NUDC: variants seen among roughly 807,000 people sequenced by gnomAD.
NUDC encodes nuclear migration protein nudC.
In NUDC, 14 loss-of-function variants were observed where a neutral mutation model predicts 45.0. The ratio of observed to expected loss-of-function variants is 0.31; its 90% CI spans 0.21 to 0.49. The LOEUF (loss-of-function observed/expected upper bound fraction) is 0.49. Ranked by LOEUF, NUDC falls within the 20% of genes least tolerant of loss-of-function variation. NUDC has a pLI of 0.99. For missense variants in NUDC, 323 were observed against 426.2 expected, an observed-to-expected ratio of 0.76 and a Z score of 2.13; for synonymous variants, 153 against 156.7, an observed-to-expected ratio of 0.98 and a Z score of 0.17.
intron 2 of NUDC, among the ~76,000 whole-genome samples, chr1:26,904,094 A>G (rs2081992713): frequency 7.1e-6 from 1 of 140,752 alleles, no homozygotes; most frequent in East Asian, 1.9e-4. Flanking sequence ...AAAAAAGTCT[A>G]ATGAGTGAGA....
At chr1:26,941,070 C>T (rs1203981352) in intron 2 of NUDC, among the ~76,000 whole-genome samples, 2 of 150,700 alleles carry the variant, frequency 1.3e-5, no homozygotes, top group East Asian at 3.9e-4. Flanking sequence ...TACAGGCCCC[C>T]GCCACCATGC....
intron 6 of NUDC, among the ~76,000 whole-genome samples, chr1:26,943,627 C>T (rs1337920136): frequency 2.6e-5 from 4 of 152,172 alleles, no homozygotes; most frequent in African/African-American, 9.7e-5. Flanking sequence ...TTCAATTCAT[C>T]AAATACTTGA....
intron 2 of NUDC, among the ~76,000 whole-genome samples, chr1:26,904,738 TGA>T (rs574884880): frequency 1.3e-5 from 2 of 152,244 alleles, no homozygotes; most frequent in African/African-American, 4.8e-5. Flanking sequence ...TACAGGAGAG[TGA>T]GAGATCACCT....
rs1475990916 is a variant in NUDC at position 26,924,122 on chromosome 1, A to G, written c.115A>G (p.Lys39Glu). ...CACCTTCTTCAGCTTCCTTCGACGC[A>G]AAACAGACTTTTTCATTGGAGGAGA... ...VNTFFSFLRR[K>E]TDFFIGGEEG... The change falls in exon 2 of 9, where the codon AAA becomes GAA. Residue 39 changes from lysine (K) to glutamate (E), a missense_variant. Lys to Glu is a moderately conservative substitution (Grantham distance 56, BLOSUM62 1). This residue lies in a region of NUDC where 245 missense variants were observed against 278.8 expected (regional missense o/e 0.88). Transcript: ENST00000321265. The G allele has an allele frequency of 6.2e-7, 1 of 1,614,128 alleles. No homozygotes were observed.
intron 2 of NUDC, among the ~76,000 whole-genome samples, chr1:26,931,229 C>T (rs1244570732): frequency 2.7e-5 from 4 of 149,754 alleles, no homozygotes. Flanking sequence ...AGGCGTGTGC[C>T]ACCACGCCTG....
At chr1:26,922,033 T>G (rs1570721829) in intron 1 of NUDC, 104 bp downstream of exon 1, 1 of 1,191,172 alleles carries the variant, frequency 8.4e-7, no homozygotes, top group East Asian at 2.6e-5. Context: ...CTCGCGGGCT[T>G]CTGGGATGCC....
Position 26,942,979 on chromosome 1 carries a change from G to A in NUDC, c.655G>A (p.Asp219Asn). 1 of 1,614,174 alleles carries A rather than the reference G, an allele frequency of 6.2e-7. No individual in the cohort carries two copies. Among genetic ancestry groups the A allele is most frequent in the Non-Finnish European group, 8.5e-7 (1 of 1,180,026 alleles). Residue 219 changes from aspartate to asparagine, a missense_variant, in exon 6 of 9, where the codon GAT (aspartate) becomes AAT (asparagine). Physicochemically the swap from Asp to Asn is conservative, Grantham distance 23. Transcript: ENST00000321265. The part of the protein sequence containing the change: ...VGLKGQPAII[D>N]GELYNEVKVE... ...GCTCAAGGGGCAGCCAGCGATCATT[G>A]ATGGGGAGCTCTACAATGAAGTGAA...
At chr1:26,904,895 A>G (rs1405772759) in intron 2 of NUDC, among the ~76,000 whole-genome samples, 8 of 149,508 alleles carry the variant, frequency 5.4e-5, no homozygotes, top group Non-Finnish European at 1.2e-4. Flanking sequence ...TCTGTCGCCC[A>G]GGCAGATCTT....
intron 2 of NUDC, among the ~76,000 whole-genome samples, chr1:26,906,151 A>G (rs2124053062): frequency 1.3e-5 from 2 of 152,238 alleles, no homozygotes; most frequent in East Asian, 3.9e-4. Flanking sequence ...GTGGTGGCGC[A>G]TGCCTGTAAT....
rs147626063 is a variant in NUDC at position 26,946,564 on chromosome 1, A to G, written c.*383A>G. On this transcript the variant is annotated 3_prime_UTR_variant, in exon 9 of 9. Coordinates refer to ENST00000321265, the MANE Select transcript of NUDC (RefSeq NM_006600.4). ...TTCTCATTACTTAAAGATTAAAACAAGGCTTGGCCGGGTGTGATGGTTCAT... is the reference window on the plus strand; with the variant it reads ...TTCTCATTACTTAAAGATTAAAACAGGGCTTGGCCGGGTGTGATGGTTCAT... The G allele has an allele frequency of 4.4e-3, 1,412 of 320,504 alleles. 9 individuals carry two copies. The highest frequency in any genetic ancestry group is 5.1e-3 in the Non-Finnish European group (844 of 164,418). The allele number at this position is 320,504 out of a possible 1,614,324, so 19.9% of individuals were successfully genotyped here.
intron 2 of NUDC, among the ~76,000 whole-genome samples, chr1:26,906,007 C>T (rs1018161435): frequency 2.6e-5 from 4 of 152,072 alleles, no homozygotes; most frequent in African/African-American, 9.7e-5. Context: ...AAAGGCCGAG[C>T]GCAGTGGCTC....
chr1:26,900,262 C>A, exon 1 of NUDC: 1 of 1,614,026 alleles, frequency 6.2e-7, no homozygotes, highest in Non-Finnish European at 8.5e-7. Flanking sequence ...GAGTTAGGAG[C>A]GGCCTGCGGA....
chr1:26,915,558 T>C (rs1350273743), intron 3 of NUDC, among the ~76,000 whole-genome samples: 1 of 152,206 alleles, frequency 6.6e-6, no homozygotes, highest in Non-Finnish European at 1.5e-5. Flanking sequence ...CCTGGTGCCC[T>C]GGATGGGGAG....
At chr1:26,929,619 C>G in intron 2 of NUDC, 1 of 274,410 alleles carries the variant, frequency 3.6e-6, no homozygotes, top group South Asian at 3.1e-5. Context: ...AACAAATCTT[C>G]GTGGGTACGG....
chr1:26,946,583 G>A lies in NUDC; in HGVS notation c.*402G>A. 6.6e-6 allele frequency: 2 copies of A among 301,606 alleles called. No homozygotes were observed. Among genetic ancestry groups the A allele is most frequent in the South Asian group, 6.3e-5 (2 of 31,948 alleles). 18.7% of individuals were successfully genotyped at this position (301,606 alleles called of 1,614,324 possible). A position where few individuals can be genotyped will look rare whatever the true frequency, so the allele number is the denominator to read the frequency against. ...AAAACAAGGCTTGGCCGGGTGTGAT[G>A]GTTCATGTCTGTAATCCCAGCACTT... On this transcript the variant is annotated 3_prime_UTR_variant, in exon 9 of 9. Coordinates refer to ENST00000321265, the MANE Select transcript of NUDC (RefSeq NM_006600.4).
At chr1:26,900,232 G>C (rs777986225), upstream of NUDC, 1 of 1,614,168 alleles carries the variant, frequency 6.2e-7, no homozygotes, top group Non-Finnish European at 8.5e-7. Flanking sequence ...TCAGCGGCTG[G>C]GTCGGTAGGA....
At position 26,921,838 on chromosome 1, in the gene NUDC, G is replaced by A; in HGVS notation, c.-11G>A. The A allele has an allele frequency of 6.4e-7, 1 of 1,551,026 alleles. No homozygotes were observed. The highest frequency in any genetic ancestry group is 8.7e-7 in the Non-Finnish European group (1 of 1,147,358). The stretch of plus-strand genomic sequence containing the variant: ...GTGCAGAGCTCCGGGACGTGGATCG[G>A]AGCCGGCGCGATGGGCGGAGAGCAG... On this transcript the variant is annotated 5_prime_UTR_variant, in exon 1 of 9. Transcript: ENST00000321265.
At chr1:26,921,120 G>A (rs891777285), upstream of NUDC, among the ~76,000 whole-genome samples, 1 of 152,176 alleles carries the variant, frequency 6.6e-6, no homozygotes, top group Admixed American at 6.5e-5. Context: ...TCCTGTCCCC[G>A]CATTAACAGA....
chr1:26,924,280 G>A, intron 2 of NUDC, 114 bp downstream of exon 2: 1 of 852,748 alleles, frequency 1.2e-6, no homozygotes, highest in East Asian at 2.6e-5. Flanking sequence ...TGCCAAAGGT[G>A]AGGAATTGGG....
Sources: gnomAD v4.1 joint callset for allele counts (sites outside exome capture counted in the v4.1 genomes callset) on GRCh38, gnomAD v4.1.1 for gene constraint, gnomAD v4.1.1 regional missense constraint, MANE v1.5 for transcripts, NCBI Gene and HGNC (gene_info 2026-07-23, HGNC 2026-07-21) for gene names.